The following DYSF variants were observed in gnomAD, a reference collection of about 807,000 sequenced individuals.
The protein encoded by DYSF is dystrophy-associated fer-1-like 1.
Under a neutral mutation model 274.9 loss-of-function variants are expected in DYSF, and 212 were observed. The ratio of observed to expected loss-of-function variants is 0.77; its 90% CI spans 0.69 to 0.86. The LOEUF (loss-of-function observed/expected upper bound fraction) is 0.86. Ranked by LOEUF, DYSF falls within the 40% of genes least tolerant of loss-of-function variation. The pLI is 0.00. For missense variants in DYSF, 2,666 were observed against 2,783.2 expected (o/e 0.96, Z 0.95); for synonymous variants, 1,091 against 1,078.7 (o/e 1.01, Z -0.22).
At chr2:71,626,704 A>G (rs1357161159) in intron 41 of DYSF, among the ~76,000 whole-genome samples, 1 of 151,522 alleles carries the variant, frequency 6.6e-6, no homozygotes, top group Non-Finnish European at 1.5e-5. Flanking sequence ...TCATACTATT[A>G]TTTTCAGGTT....
At chr2:71,545,990 G>A (rs1017848554) in intron 17 of DYSF, among the ~76,000 whole-genome samples, 1 of 152,222 alleles carries the variant, frequency 6.6e-6, no homozygotes, top group Non-Finnish European at 1.5e-5. Context: ...CCAGCTAACC[G>A]GTTTTGAACA....
chr2:71,612,710 C>T lies in DYSF; in HGVS notation c.4291C>T (p.Arg1431Cys), dbSNP rs749028996. The T allele has an allele frequency of 1.9e-5, 30 of 1,614,074 alleles. No individual in the cohort carries two copies. Among genetic ancestry groups the T allele is most frequent in the African/African-American group, 2.7e-5 (2 of 74,926 alleles). Residue 1431 changes from arginine to cysteine, a missense_variant, in exon 39 of 56, where the codon CGC (arginine) becomes TGC (cysteine). Coordinates refer to ENST00000410020, the MANE Select transcript of DYSF (RefSeq NM_001130987.2). ...GGTCATCGATAACCGCCAGTTTGGCCGCCGGCCTGTGGTGGGCCAGTGTAC... is the reference window on the plus strand; with the variant it reads ...GGTCATCGATAACCGCCAGTTTGGCTGCCGGCCTGTGGTGGGCCAGTGTAC... ...VKVIDNRQFG[R>C]RPVVGQCTIR...
Position 71,466,776 on chromosome 2 carries a change from T to G in DYSF, c.-67T>G. ...GGGAGCCGGGCGCTTGCTGGGTGGG[T>G]GCTCGGGCCCGGTGCTCCCGCTCCC... On this transcript the variant is annotated 5_prime_UTR_variant, in exon 1 of 56. Transcript: ENST00000410020. The G allele has an allele frequency of 7.0e-7, 1 of 1,428,246 alleles. No homozygotes were observed. Among genetic ancestry groups the G allele is most frequent in the Non-Finnish European group, 9.3e-7 (1 of 1,081,028 alleles). The allele number at this position is 1,428,246 out of a possible 1,614,324, so 88.5% of individuals were successfully genotyped here. A position where few individuals can be genotyped will look rare whatever the true frequency, so the allele number is the denominator to read the frequency against.
intron 33 of DYSF, among the ~76,000 whole-genome samples, chr2:71,600,028 G>A (rs1402523040): frequency 6.6e-6 from 1 of 152,186 alleles, no homozygotes; most frequent in Non-Finnish European, 1.5e-5. Context: ...CAGGCGGCAG[G>A]GCTGGCACTT....
intron 1 of DYSF, among the ~76,000 whole-genome samples, chr2:71,471,161 A>C (rs2082007690): frequency 6.6e-6 from 1 of 152,218 alleles, no homozygotes; most frequent in South Asian, 2.1e-4. Flanking sequence ...AAAGGCCATG[A>C]GGCAAGAGTA....
chr2:71,635,426 T>C (rs1317024066), intron 41 of DYSF, among the ~76,000 whole-genome samples: 4 of 152,310 alleles, frequency 2.6e-5, no homozygotes, highest in East Asian at 1.9e-4. Flanking sequence ...CAGGCAATGT[T>C]CTAAGCATTG....
intron 3 of DYSF, among the ~76,000 whole-genome samples, chr2:71,486,618 G>T (rs2083389421): frequency 6.6e-6 from 1 of 152,120 alleles, no homozygotes; most frequent in South Asian, 2.1e-4. Flanking sequence ...TCATGCCTCA[G>T]GAAGGAAATC....
At chr2:71,535,633 T>A (rs541936210) in intron 16 of DYSF, among the ~76,000 whole-genome samples, 12 of 152,026 alleles carry the variant, frequency 7.9e-5, no homozygotes, top group Non-Finnish European at 1.3e-4. Context: ...CATGAGGACA[T>A]TCCAGTGAGG....
At chr2:71,623,122 A>G (rs773912265) in intron 41 of DYSF, among the ~76,000 whole-genome samples, 1 of 152,240 alleles carries the variant, frequency 6.6e-6, no homozygotes, top group Non-Finnish European at 1.5e-5. Flanking sequence ...ATCCAATGCA[A>G]TCGAGACAGG....
intron 30 of DYSF, among the ~76,000 whole-genome samples, chr2:71,578,760 G>A (rs2092793947): frequency 6.6e-6 from 1 of 152,092 alleles, no homozygotes. Context: ...GTCCACCAGC[G>A]AGCTGGGCCT....
upstream of DYSF, among the ~76,000 whole-genome samples, chr2:71,462,051 C>T (rs556972600): frequency 4.6e-5 from 7 of 152,314 alleles, no homozygotes; most frequent in African/African-American, 1.4e-4. Context: ...ACCTCTGTGG[C>T]TGGTAGCACC....
intron 4 of DYSF, among the ~76,000 whole-genome samples, chr2:71,511,382 T>A (rs1030673111): frequency 6.6e-6 from 1 of 152,204 alleles, no homozygotes; most frequent in Non-Finnish European, 1.5e-5. Flanking sequence ...GACATTTTCC[T>A]GAAGACAGGC....
In DYSF at chr2:71,681,071, G is replaced by A. The variant is rs539697079; in HGVS notation, c.6134G>A (p.Arg2045Gln). The change falls in exon 54 of 56, where the codon CGG becomes CAG. Residue 2045 changes from arginine to glutamine, a missense_variant. This residue lies in a region of DYSF where 1,460 missense variants were observed against 1,502.1 expected (regional missense o/e 0.97). Coordinates refer to ENST00000410020, the MANE Select transcript of DYSF (RefSeq NM_001130987.2). ...EHEERPAGQG[R>Q]DEPNMNPKLE... ...GAGGAGCGGCCTGCTGGCCAGGGCC[G>A]GGATGAGCCCAACATGAACCCTAAG... 112 of 1,614,182 alleles carry A rather than the reference G, an allele frequency of 6.9e-5. No homozygotes were observed. The South Asian group carries it at 1.0e-3, about 15-fold the overall frequency.
Position 71,525,806 on chromosome 2 carries a change from C to A in DYSF, c.1150-414C>A, listed in dbSNP as rs2087816314. ...CAGCACCATACAGACACCTAGTACT[C>A]ACTCAGTAGCTAATGGCTGGGTGAA... On this transcript the variant is annotated intron_variant, in intron 12 of 55. Transcript: ENST00000410020. 4.6e-5 allele frequency among the ~76,000 whole-genome samples: 7 copies of A among 152,220 alleles called. No individual in the cohort carries two copies. In the South Asian group the frequency reaches 1.4e-3, roughly 32 times the overall value.
At chr2:71,649,107 A>G (rs2094612176) in intron 42 of DYSF, among the ~76,000 whole-genome samples, 1 of 141,888 alleles carries the variant, frequency 7.0e-6, no homozygotes, top group African/African-American at 2.6e-5. Flanking sequence ...ACTGCACTCT[A>G]GCCTGGATAA....
intron 32 of DYSF, among the ~76,000 whole-genome samples, chr2:71,597,300 G>A (rs1668571242): frequency 6.6e-6 from 1 of 152,178 alleles, no homozygotes; most frequent in Non-Finnish European, 1.5e-5. Context: ...GATGGAGTAG[G>A]GTGCCAAGGG....
At position 71,528,387 on chromosome 2, in the gene DYSF, T is replaced by G; in HGVS notation, c.1366T>G (p.Phe456Val). ...GGTGGACCCCTTTGTGGAGGTCAGC[T>G]TTGCGGGGAAAATGGTAAGGAGCAA... is the stretch of plus-strand genomic sequence containing the variant. ...NLVDPFVEVS[F>V]AGKMLCSKIL... Residue 456 changes from phenylalanine to valine, a missense_variant, in exon 14 of 56, where the codon TTT becomes GTT. Physicochemically the swap from Phe to Val is conservative, Grantham distance 50. Coordinates refer to ENST00000410020, the MANE Select transcript of DYSF (RefSeq NM_001130987.2). The G allele has an allele frequency of 6.2e-7, 1 of 1,614,004 alleles. No homozygotes were observed. The highest frequency in any genetic ancestry group is 8.5e-7 in the Non-Finnish European group (1 of 1,179,926).
intron 17 of DYSF, among the ~76,000 whole-genome samples, chr2:71,540,114 CTTTTTTTTTTT>C (rs565221959): frequency 7.5e-6 from 1 of 133,776 alleles, no homozygotes; most frequent in African/African-American, 2.9e-5. Flanking sequence ...CTTTTTTTTT[CTTTTTTTTTTT>C]TTTTGAGATG....
At chr2:71,488,039 T>A (rs1024050998) in intron 3 of DYSF, among the ~76,000 whole-genome samples, 7 of 151,924 alleles carry the variant, frequency 4.6e-5, no homozygotes, top group African/African-American at 1.7e-4. Flanking sequence ...TTGGACTTAG[T>A]GGAAATAATT....
Sources: gnomAD v4.1 joint callset for allele counts (sites outside exome capture counted in the v4.1 genomes callset) on GRCh38, gnomAD v4.1.1 for gene constraint, gnomAD v4.1.1 regional missense constraint, MANE v1.5 for transcripts, NCBI Gene and HGNC (gene_info 2026-07-23, HGNC 2026-07-21) for gene names.